Variants in MEGF9 observed in about 807,000 individuals in gnomAD.
MEGF9 encodes the protein multiple epidermal growth factor-like domains protein 9.
In MEGF9, 6 loss-of-function variants were observed where a neutral mutation model predicts 46.8. The observed-to-expected ratio is 0.13, with a 90% CI of 0.07 to 0.25. The LOEUF (loss-of-function observed/expected upper bound fraction) is 0.25. Ranked by LOEUF, MEGF9 falls within the 10% of genes least tolerant of loss-of-function variation. The pLI, the probability that MEGF9 is intolerant of heterozygous loss-of-function variation, is 1.00. For missense variants in MEGF9, 683 were observed against 792.4 expected (o/e 0.86, Z 1.66); for synonymous variants, 302 against 330.7 (o/e 0.91, Z 0.94).
chr9:120,621,520 A>G (rs1306759056), intron 3 of MEGF9, among the ~76,000 whole-genome samples: 1 of 152,076 alleles, frequency 6.6e-6, no homozygotes, highest in African/African-American at 2.4e-5. Flanking sequence ...GATATTTTAG[A>G]GATTCCAATT....
Position 120,622,637 on chromosome 9 carries a change from C to A in MEGF9, c.922G>T (p.Ala308Ser). Residue 308 changes from alanine (A) to serine (S), a missense_variant, in exon 3 of 6, where the codon GCC becomes TCC. Around this residue, in one of 2 missense-constraint regions of MEGF9, gnomAD observed 313 missense variants for 421.1 expected, o/e 0.74. Coordinates refer to ENST00000373930, the MANE Select transcript of MEGF9 (RefSeq NM_001080497.3). The stretch of plus-strand genomic sequence containing the variant: ...GTACCTGTGAGGGCATCGCAACTGG[C>A]AGACCGATTATTGCATTGGCAGGGC... ...CLPCQCNNRS[A>S]SCDALTGACL... 1 of 1,613,706 alleles carries A rather than the reference C, an allele frequency of 6.2e-7. No homozygotes were observed. Among genetic ancestry groups the A allele is most frequent in the Non-Finnish European group, 8.5e-7 (1 of 1,179,824 alleles).
rs547510230 is a variant in MEGF9, at chr9:120,602,456, A to G, written c.*2734T>C. On this transcript the variant is annotated 3_prime_UTR_variant, in exon 6 of 6. Coordinates refer to ENST00000373930, the MANE Select transcript of MEGF9 (RefSeq NM_001080497.3). ...GTAGATCACTTTCTGATTGATTTAT[A>G]TTTTAAAGCAAATTATTTCCAGAAT... The G allele has an allele frequency of 2.0e-5, 3 of 152,762 alleles. No homozygotes were observed. Among genetic ancestry groups the G allele is most frequent in the South Asian group, 2.1e-4 (1 of 4,828 alleles). The allele number at this position is 152,762 out of a possible 1,614,324, so 9.5% of individuals were successfully genotyped here.
At chr9:120,608,474 A>G (rs1465275772) in intron 4 of MEGF9, among the ~76,000 whole-genome samples, 1 of 152,150 alleles carries the variant, frequency 6.6e-6, no homozygotes, top group African/African-American at 2.4e-5. Context: ...AACTTCCTCC[A>G]TCCCTCCCAA....
intron 1 of MEGF9, among the ~76,000 whole-genome samples, chr9:120,670,547 C>T (rs2043744533): frequency 6.6e-6 from 1 of 152,220 alleles, no homozygotes; most frequent in South Asian, 2.1e-4. Context: ...ATTTATCTTA[C>T]TGTTTCAATA....
chr9:120,611,019 T>C (rs1587972391), intron 4 of MEGF9, among the ~76,000 whole-genome samples: 1 of 152,148 alleles, frequency 6.6e-6, no homozygotes, highest in Non-Finnish European at 1.5e-5. Flanking sequence ...ATCAGGAACA[T>C]GCAACTTAAA....
intron 1 of MEGF9, among the ~76,000 whole-genome samples, chr9:120,668,029 TAAAC>T (rs942002003): frequency 1.3e-5 from 2 of 152,136 alleles, no homozygotes; most frequent in South Asian, 2.1e-4. Context: ...TGTCTCAAAA[TAAAC>T]AAACAAACAA....
intron 1 of MEGF9, 25 bp downstream of exon 1, chr9:120,713,733 G>C: frequency 7.8e-7 from 1 of 1,281,364 alleles, no homozygotes; most frequent in Non-Finnish European, 9.9e-7. Flanking sequence ...GACGGGTCCT[G>C]CCCGAGAGGG....
chr9:120,682,514 A>T (rs373661765), intron 1 of MEGF9, among the ~76,000 whole-genome samples: 40 of 152,294 alleles, frequency 2.6e-4, no homozygotes, highest in African/African-American at 8.9e-4. Context: ...GCCAATATTC[A>T]AAAAAGGGAA....
chr9:120,619,978 G>GA (rs1491123776), intron 3 of MEGF9, among the ~76,000 whole-genome samples: 1 of 152,188 alleles, frequency 6.6e-6, no homozygotes, highest in African/African-American at 2.4e-5. Flanking sequence ...GTCACTTGAC[G>GA]AGAGTGGTTT....
At chr9:120,713,451 C>T (rs1377601193) in intron 1 of MEGF9, among the ~76,000 whole-genome samples, 1 of 152,114 alleles carries the variant, frequency 6.6e-6, no homozygotes, top group African/African-American at 2.4e-5. Flanking sequence ...TGCGCGAACC[C>T]AACCCAAAAG....
At chr9:120,657,875 T>C (rs2043684668) in intron 2 of MEGF9, among the ~76,000 whole-genome samples, 1 of 152,214 alleles carries the variant, frequency 6.6e-6, no homozygotes, top group Admixed American at 6.5e-5. Flanking sequence ...GTAACCTATA[T>C]ATAAGGAGTT....
chr9:120,643,346 C>T (rs2043611328), intron 2 of MEGF9, among the ~76,000 whole-genome samples: 1 of 152,104 alleles, frequency 6.6e-6, no homozygotes. Flanking sequence ...CCTAAGTCTA[C>T]TAACATGAGT....
At chr9:120,673,666 G>A (rs923064981) in intron 1 of MEGF9, among the ~76,000 whole-genome samples, 12 of 151,696 alleles carry the variant, frequency 7.9e-5, no homozygotes, top group African/African-American at 2.7e-4. Flanking sequence ...ACCACACCTT[G>A]TATAAAAATT....
At chr9:120,629,187 C>T (rs1292401968) in intron 2 of MEGF9, among the ~76,000 whole-genome samples, 1 of 152,084 alleles carries the variant, frequency 6.6e-6, no homozygotes, top group African/African-American at 2.4e-5. Flanking sequence ...ATTATATTGT[C>T]CAGGCTGGTC....
chr9:120,608,374 T>G (rs2043429564), intron 4 of MEGF9, among the ~76,000 whole-genome samples: 1 of 152,220 alleles, frequency 6.6e-6, no homozygotes, highest in Non-Finnish European at 1.5e-5. Flanking sequence ...ATAAGGAGTC[T>G]GAATGATTAT....
intron 1 of MEGF9, among the ~76,000 whole-genome samples, chr9:120,674,298 G>C (rs2043763230): frequency 6.6e-6 from 1 of 151,940 alleles, no homozygotes; most frequent in Admixed American, 6.6e-5. Flanking sequence ...CCAACAATAA[G>C]GAAATAATGC....
chr9:120,662,600 C>T (rs560258273), intron 1 of MEGF9, among the ~76,000 whole-genome samples: 3 of 152,314 alleles, frequency 2.0e-5, no homozygotes, highest in South Asian at 2.1e-4. Context: ...TATTTTTTCT[C>T]CTGTAAACAG....
intron 2 of MEGF9, among the ~76,000 whole-genome samples, chr9:120,643,239 T>A (rs1005309826): frequency 1.3e-5 from 2 of 151,392 alleles, no homozygotes; most frequent in Non-Finnish European, 2.9e-5. Flanking sequence ...AAAAAAAAAA[T>A]CTGAGATGGA....
chr9:120,696,457 GT>G (rs2132340989), intron 1 of MEGF9, among the ~76,000 whole-genome samples: 1 of 152,248 alleles, frequency 6.6e-6, no homozygotes, highest in East Asian at 1.9e-4. Context: ...GCTTGGTAGA[GT>G]GGGGATAATA....
Sources: allele counts gnomAD v4.1 joint callset (sites outside exome capture counted in the v4.1 genomes callset), GRCh38; gene constraint gnomAD v4.1.1; regional missense constraint gnomAD v4.1.1; transcripts MANE v1.5; gene names NCBI Gene and HGNC (gene_info 2026-07-23, HGNC 2026-07-21).